PAX5: variants seen among roughly 807,000 people sequenced by gnomAD.
PAX5 encodes paired box protein Pax-5.
A neutral mutation model predicts 43.7 loss-of-function variants in PAX5; 9 were observed. That is an observed-to-expected ratio of 0.21 (90% CI 0.12 to 0.36). PAX5 has a LOEUF of 0.36. PAX5 is among the 10% of genes least tolerant of loss of function. The probability of loss-of-function intolerance (pLI) is 1.00; values close to 1 mark genes in which losing one functional copy is unlikely to be tolerated. For missense variants in PAX5, 383 were observed against 532.7 expected, an observed-to-expected ratio of 0.72 and a Z score of 2.77; for synonymous variants, 228 against 214.3, an observed-to-expected ratio of 1.06 and a Z score of -0.56.
chr9:36,927,791 C>T (rs1830773551), intron 6 of PAX5, among the ~76,000 whole-genome samples: 1 of 151,884 alleles, frequency 6.6e-6, no homozygotes, highest in South Asian at 2.1e-4. Context: ...TCACTGCAAC[C>T]TCCGCCCCCC....
intron 7 of PAX5, among the ~76,000 whole-genome samples, chr9:36,907,365 TC>T (rs112073947): frequency 6.6e-6 from 1 of 152,288 alleles, no homozygotes; most frequent in African/African-American, 2.4e-5. Flanking sequence ...CCCCGTGGCT[TC>T]CCCTTGTCCT....
At chr9:36,983,783 C>T (rs1464656003) in intron 5 of PAX5, among the ~76,000 whole-genome samples, 1 of 152,090 alleles carries the variant, frequency 6.6e-6, no homozygotes, top group East Asian at 1.9e-4. Context: ...TGGGGTTACA[C>T]AATTTAAAAT....
At chr9:37,026,665 C>A in intron 1 of PAX5, 1 of 1,342,890 alleles carries the variant, frequency 7.4e-7, no homozygotes, top group Non-Finnish European at 9.8e-7. Flanking sequence ...CGCCACCAGG[C>A]CAGGCACTGT....
chr9:36,872,966 TTTGG>T lies in PAX5; in HGVS notation c.1012+9034_1012+9037del, dbSNP rs149949182. On this transcript the variant is annotated intron_variant, in intron 8 of 9. Transcript: ENST00000358127. ...TCATCTCCCACCAGCCCCACAAGGCTTTGGTCACTCCCAGCTCCCTCCCTGATGC... is the reference window on the plus strand; with the variant it reads ...TCATCTCCCACCAGCCCCACAAGGCTTCACTCCCAGCTCCCTCCCTGATGC... 7.9e-3 allele frequency among the ~76,000 whole-genome samples: 1,206 copies of T among 152,274 alleles called. 46 individuals carry two copies. In the East Asian group the frequency reaches 0.11, roughly 13 times the overall value.
intron 6 of PAX5, among the ~76,000 whole-genome samples, chr9:36,960,937 C>T (rs1365686300): frequency 3.3e-5 from 5 of 152,228 alleles, no homozygotes; most frequent in African/African-American, 4.8e-5. Context: ...TCCCTCAAGG[C>T]ACCTCCTCCA....
chr9:36,859,086 G>A (rs1199525216), intron 8 of PAX5, among the ~76,000 whole-genome samples: 1 of 152,178 alleles, frequency 6.6e-6, no homozygotes, highest in Non-Finnish European at 1.5e-5. Context: ...ACTGTGTGCT[G>A]AGAACTCAGC....
intron 7 of PAX5, among the ~76,000 whole-genome samples, chr9:36,913,970 G>GC (rs1364434214): frequency 1.3e-5 from 2 of 152,160 alleles, no homozygotes; most frequent in Admixed American, 6.5e-5. Context: ...GTGAAACAGA[G>GC]CCCCCCACCC....
At chr9:36,866,245 GT>G (rs1824871879) in intron 8 of PAX5, among the ~76,000 whole-genome samples, 1 of 152,226 alleles carries the variant, frequency 6.6e-6, no homozygotes, top group African/African-American at 2.4e-5. Flanking sequence ...AGTTGGGGTC[GT>G]GGTCAGATTT....
At chr9:36,884,988 T>C (rs940576169) in intron 7 of PAX5, among the ~76,000 whole-genome samples, 10 of 152,222 alleles carry the variant, frequency 6.6e-5, no homozygotes, top group Admixed American at 5.2e-4. Flanking sequence ...TCCTTTGCCT[T>C]GTCCACGGCT....
Position 36,882,065 on chromosome 9 carries a change from T to G in PAX5, c.951A>C (p.Pro317=). 1 of 1,610,172 alleles carries G rather than the reference T, an allele frequency of 6.2e-7. No homozygotes were observed. Among genetic ancestry groups the G allele is most frequent in the Middle Eastern group, 1.7e-4 (1 of 6,048 alleles). ...LASTTLPGYP[P]HVPPAGQGSY... is the part of the protein sequence containing the mutation. ...TGCCCTGTCCAGCGGGGGGGACGTG[T>G]GGAGGGTACCCGGGGAGGGTCGTGC... is the stretch of plus-strand genomic sequence containing the variant. The change falls in exon 8 of 10, where the codon CCA becomes CCC. Residue 317 remains proline (P), a synonymous_variant. Coordinates refer to ENST00000358127, the MANE Select transcript of PAX5 (RefSeq NM_016734.3). The surrounding 1 kb of genome is among the most constrained non-coding windows in gnomAD (Gnocchi z 4.4).
rs1259058104 is a variant in PAX5 at position 36,873,038 on chromosome 9, C to G, written c.1012+8966G>C. Reference sequence around the variant, plus strand: ...CCTGGGGCTTCTCACGCACTGGTCCCTTACCCAACAATATCCCTCCAGCTT... The same window carrying G: ...CCTGGGGCTTCTCACGCACTGGTCCGTTACCCAACAATATCCCTCCAGCTT... On this transcript the variant is annotated intron_variant, in intron 8 of 9. Transcript: ENST00000358127. Among the ~76,000 whole-genome samples the G allele has an allele frequency of 2.6e-5, 4 of 152,324 alleles. No homozygotes were observed. In the East Asian group the frequency reaches 5.8e-4, roughly 22 times the overall value.
chr9:36,938,035 A>ATC (rs1831711060), intron 6 of PAX5, among the ~76,000 whole-genome samples: 2 of 152,208 alleles, frequency 1.3e-5, no homozygotes, highest in Non-Finnish European at 2.9e-5. Context: ...AAGGAAGGAG[A>ATC]CACTAGGCTT....
chr9:36,947,959 G>T lies in PAX5; in HGVS notation c.780+18590C>A, dbSNP rs139886448. Among the ~76,000 whole-genome samples, 31 of 152,164 alleles carry T rather than the reference G, an allele frequency of 2.0e-4. 1 individual carries two copies. The South Asian group carries it at 6.2e-3, about 31-fold the overall frequency. On this transcript the variant is annotated intron_variant, in intron 6 of 9. Transcript: ENST00000358127. ...GTTGCCCCTGGTGAAAGGCAGAGCC[G>T]TGTCTATATCACTGAGACATTCCCT... is the stretch of plus-strand genomic sequence containing the variant.
In PAX5 at chr9:36,836,222, TC is replaced by T; in HGVS notation, c.*4337del. The T allele has an allele frequency of 4.3e-6, 1 of 233,614 alleles. No individual in the cohort carries two copies. 14.5% of individuals were successfully genotyped at this position (233,614 alleles called of 1,614,324 possible). ...AAAACCCAGCAGCTCCCCAATCCCG[TC>T]CCCAGCGCCTCTGACCTTCCACCCA... On this transcript the variant is annotated 3_prime_UTR_variant, in exon 10 of 10. Coordinates refer to ENST00000358127, the MANE Select transcript of PAX5 (RefSeq NM_016734.3).
chr9:36,983,894 TAGAG>T (rs1836154096), intron 5 of PAX5, among the ~76,000 whole-genome samples: 1 of 152,192 alleles, frequency 6.6e-6, no homozygotes, highest in Non-Finnish European at 1.5e-5. Context: ...GGTATAGCTC[TAGAG>T]AGAAAGAGTT....
chr9:36,940,678 A>C (rs1203208997), intron 6 of PAX5, among the ~76,000 whole-genome samples: 2 of 151,922 alleles, frequency 1.3e-5, no homozygotes, highest in Non-Finnish European at 2.9e-5. Flanking sequence ...AGGAGAAGGC[A>C]GGGCTCTCAG....
At chr9:36,889,947 G>C (rs139915095) in intron 7 of PAX5, among the ~76,000 whole-genome samples, 15 of 144,354 alleles carry the variant, frequency 1.0e-4, no homozygotes, top group East Asian at 2.2e-4. Context: ...CTAACGGGGG[G>C]GGGGGGAATG....
intron 8 of PAX5, among the ~76,000 whole-genome samples, chr9:36,856,393 T>G (rs1356126142): frequency 1.3e-5 from 2 of 152,216 alleles, no homozygotes; most frequent in African/African-American, 2.4e-5. Flanking sequence ...AAAGGGACAC[T>G]GGTGCTCTCC....
chr9:36,901,769 A>C (rs1450419829), intron 7 of PAX5, among the ~76,000 whole-genome samples: 1 of 152,210 alleles, frequency 6.6e-6, no homozygotes, highest in Admixed American at 6.5e-5. Context: ...TGGCCAAGGA[A>C]CATCGCCTTG....
Sources: gnomAD v4.1 joint callset for allele counts (sites outside exome capture counted in the v4.1 genomes callset) on GRCh38, gnomAD v4.1.1 for gene constraint, Gnocchi (gnomAD v3.1) non-coding constraint, MANE v1.5 for transcripts, NCBI Gene and HGNC (gene_info 2026-07-23, HGNC 2026-07-21) for gene names.